Variants in DOCK8 observed in about 807,000 individuals in gnomAD.
DOCK8 encodes the protein dedicator of cytokinesis 8, also known as dedicator of cytokinesis protein 8.
In DOCK8, 141 loss-of-function variants were observed where a neutral mutation model predicts 245.6. The observed-to-expected ratio is 0.57, with a 90% confidence interval of 0.50 to 0.66. DOCK8 has a LOEUF of 0.66. Ranked by LOEUF, DOCK8 falls within the 30% of genes least tolerant of loss-of-function variation. The probability of loss-of-function intolerance (pLI) is 0.00; values close to 1 mark genes in which losing one functional copy is unlikely to be tolerated. For synonymous variants in DOCK8, 1,168 were observed against 970.2 expected (o/e 1.20, Z -3.79); for missense variants, 2,965 against 2,603.4 (o/e 1.14, Z -3.02).
At chr9:446,261 T>C in intron 43 of DOCK8, 109 bp from the exon 44 acceptor site, 1 of 915,300 alleles carries the variant, frequency 1.1e-6, no homozygotes, top group Non-Finnish European at 1.8e-6. Context: ...TTTTCTGCAC[T>C]GGGCAGGGCG....
intron 3 of DOCK8, 112 bp downstream of exon 3, chr9:286,748 A>C: frequency 1.0e-6 from 1 of 1,002,862 alleles, no homozygotes; most frequent in Non-Finnish European, 1.5e-6. Flanking sequence ...AAATTACTCA[A>C]TCCATTCAAA....
In DOCK8 at chr9:345,449, G is replaced by A. The variant is rs77243663; in HGVS notation, c.1679+5128G>A. Among the ~76,000 whole-genome samples, 669 of 152,260 alleles carry A rather than the reference G, an allele frequency of 4.4e-3. 10 individuals carry two copies. Among genetic ancestry groups the A allele is most frequent in the African/African-American group, 0.015 (628 of 41,570 alleles). Reference sequence around the variant, plus strand: ...TTAACATAAACTGCAGAGCCCCCCTGGGTGGAGGGAACTATTACCTGGTTC... The same window carrying A: ...TTAACATAAACTGCAGAGCCCCCCTAGGTGGAGGGAACTATTACCTGGTTC... On this transcript the variant is annotated intron_variant, in intron 14 of 47. Transcript: ENST00000432829.
chr9:396,886 T>G lies in DOCK8; in HGVS notation c.3072T>G (p.Val1024=). Residue 1024 remains valine (V), a synonymous_variant, in exon 25 of 48, where the codon GTT becomes GTG. Coordinates refer to ENST00000432829, the MANE Select transcript of DOCK8 (RefSeq NM_203447.4). ...DRFMDDITTI[V]NVVTSEIAAL... is the part of the protein sequence containing the mutation. ...TCATGGATGACATAACTACTATTGT[T>G]AATGTGGTCACCTCGGAAATTGCAG... 2 of 1,614,154 alleles carry G rather than the reference T, an allele frequency of 1.2e-6. No individual in the cohort carries two copies. The highest frequency in any genetic ancestry group is 3.3e-5 in the Admixed American group (2 of 60,020).
At chr9:369,122 A>G (rs2053165691) in intron 15 of DOCK8, 1 of 151,700 alleles carries the variant, frequency 6.6e-6, no homozygotes, top group African/African-American at 2.4e-5. Context: ...CCTTTCTAAA[A>G]AGAAAAAGAA....
chr9:384,423 C>T (rs2053859961), intron 22 of DOCK8, among the ~76,000 whole-genome samples: 1 of 152,118 alleles, frequency 6.6e-6, no homozygotes. Flanking sequence ...ACAGTTTCAC[C>T]CTTACAAATT....
intron 1 of DOCK8, among the ~76,000 whole-genome samples, chr9:218,446 A>AT (rs1563815295): frequency 6.6e-6 from 1 of 152,240 alleles, no homozygotes; most frequent in East Asian, 1.9e-4. Flanking sequence ...CTTCATTTCC[A>AT]TTTTTTTGTT....
upstream of DOCK8, chr9:214,860 C>T (rs756452144): frequency 3.7e-6 from 6 of 1,602,362 alleles, no homozygotes; most frequent in African/African-American, 5.4e-5. Context: ...TTTCCAGCGC[C>T]GACCGACAGA....
chr9:432,802 G>T (rs915485590), intron 37 of DOCK8, among the ~76,000 whole-genome samples: 1 of 152,170 alleles, frequency 6.6e-6, no homozygotes, highest in Non-Finnish European at 1.5e-5. Flanking sequence ...ATGGTAAAGG[G>T]ACCAGCTTGT....
At chr9:265,228 G>A (rs1344817588) in intron 1 of DOCK8, among the ~76,000 whole-genome samples, 5 of 132,792 alleles carry the variant, frequency 3.8e-5, no homozygotes, top group East Asian at 5.3e-4. Context: ...CACCGTGCCC[G>A]GCCTAAACCT....
At chr9:284,107 A>T (rs1344922615) in intron 2 of DOCK8, among the ~76,000 whole-genome samples, 5 of 152,198 alleles carry the variant, frequency 3.3e-5, no homozygotes, top group Non-Finnish European at 2.9e-5. Context: ...AATTTCCTAT[A>T]GAAGTCATTC....
intron 1 of DOCK8, among the ~76,000 whole-genome samples, chr9:229,737 C>T (rs936963498): frequency 6.6e-6 from 1 of 152,024 alleles, no homozygotes; most frequent in Non-Finnish European, 1.5e-5. Flanking sequence ...GAGAGACTAA[C>T]ATATCTGAAA....
rs146984705 is a variant in DOCK8, at chr9:420,427, C to T, written c.3867C>T (p.Asn1289=). ...CCTATAAGCAGTACAACATGCTGAA[C>T]GCGGACACTACTCGCAACCTCATGA... ...SLPYKQYNML[N]ADTTRNLMIC... The change falls in exon 31 of 48, where the codon AAC becomes AAT. Residue 1289 remains asparagine (N), a synonymous_variant. Transcript: ENST00000432829. The T allele has an allele frequency of 6.1e-5, 98 of 1,614,160 alleles. No homozygotes were observed. The highest frequency in any genetic ancestry group is 5.7e-4 in the African/African-American group (43 of 75,050).
chr9:449,747 A>C, intron 44 of DOCK8, 37 bp from the exon 45 acceptor site: 1 of 1,612,086 alleles, frequency 6.2e-7, no homozygotes, highest in Non-Finnish European at 8.5e-7. Flanking sequence ...TTATGAGACC[A>C]GACAGTGACT....
chr9:400,937 A>ACCACCACCATCACCACCATCACCT (rs2055009785), intron 26 of DOCK8, among the ~76,000 whole-genome samples: 1 of 108,458 alleles, frequency 9.2e-6, no homozygotes, highest in Non-Finnish European at 2.1e-5. Context: ...CACAACATCC[A>ACCACCACCATCACCACCATCACCT]CCACCACCAT....
chr9:446,310 G>C, intron 43 of DOCK8, 60 bp from the exon 44 acceptor site: 1 of 1,434,104 alleles, frequency 7.0e-7, no homozygotes, highest in Non-Finnish European at 9.8e-7. Flanking sequence ...CCTCCATTGC[G>C]TCAGGGATGG....
In DOCK8 at chr9:433,707, G is replaced by A. The variant is rs568305523; in HGVS notation, c.4786-168G>A. On this transcript the variant is annotated intron_variant, in intron 37 of 47. Transcript: ENST00000432829. ...CCAGGTCTCATAAACTCCTGGGCTG[G>A]CGAAGATGAAAACTACAGAGTCAGG... Among the ~76,000 whole-genome samples, 9 of 152,306 alleles carry A rather than the reference G, an allele frequency of 5.9e-5. No individual in the cohort carries two copies. In the South Asian group the frequency reaches 1.9e-3, roughly 32 times the overall value.
intron 2 of DOCK8, among the ~76,000 whole-genome samples, chr9:285,860 T>C (rs921901435): frequency 6.6e-6 from 1 of 152,154 alleles, no homozygotes; most frequent in Non-Finnish European, 1.5e-5. Context: ...GGAAATTTCT[T>C]CCAGACCAGC....
At chr9:282,326 ATAACAGGGGCCGT>A (rs1271923748) in intron 2 of DOCK8, among the ~76,000 whole-genome samples, 4 of 151,750 alleles carry the variant, frequency 2.6e-5, no homozygotes, top group Admixed American at 2.0e-4. Context: ...TCTCCTGTAG[ATAACAGGGGCCGT>A]TATCAGCCAG....
At chr9:243,520 C>T (rs1181052343) in intron 1 of DOCK8, among the ~76,000 whole-genome samples, 1 of 152,112 alleles carries the variant, frequency 6.6e-6, no homozygotes, top group African/African-American at 2.4e-5. Context: ...TTGCTGAGAT[C>T]AAGGGAAGAA....
Sources: gnomAD v4.1 joint callset for allele counts (sites outside exome capture counted in the v4.1 genomes callset) on GRCh38, gnomAD v4.1.1 for gene constraint, MANE v1.5 for transcripts, NCBI Gene and HGNC (gene_info 2026-07-23, HGNC 2026-07-21) for gene names.